EFR3B: variants seen among roughly 807,000 people sequenced by gnomAD.
The protein encoded by EFR3B is EFR3 homolog B.
In EFR3B, 64 loss-of-function variants were observed where a neutral mutation model predicts 104.7. That is an observed-to-expected ratio of 0.61 (90% CI 0.50 to 0.75). The LOEUF is 0.75. Ranked by LOEUF, EFR3B falls within the 30% of genes least tolerant of loss-of-function variation. The pLI is 0.00. For synonymous variants in EFR3B, 385 were observed against 417.9 expected, an observed-to-expected ratio of 0.92 and a Z score of 0.96; for missense variants, 750 against 1,078.5, an observed-to-expected ratio of 0.70 and a Z score of 4.27.
At chr2:25,127,519 G>A (rs1279434203) in intron 5 of EFR3B, among the ~76,000 whole-genome samples, 2 of 152,256 alleles carry the variant, frequency 1.3e-5, no homozygotes, top group African/African-American at 2.4e-5. Flanking sequence ...ACTTTTCTAT[G>A]ATTAGTATGT....
At chr2:25,104,096 C>T (rs556502623) in intron 4 of EFR3B, among the ~76,000 whole-genome samples, 127 of 152,134 alleles carry the variant, frequency 8.3e-4, no homozygotes, top group African/African-American at 2.7e-3. Context: ...ACTTGTAATA[C>T]CAGCACTTTG....
At position 25,069,862 on chromosome 2, in the gene EFR3B, A is replaced by G. The variant is rs556131270; in HGVS notation, c.8-21463A>G. On this transcript the variant is annotated intron_variant, in intron 1 of 22. Coordinates refer to ENST00000403714, the MANE Select transcript of EFR3B (RefSeq NM_014971.2). ...CAGGCATGCGCCACCACGCCTGGCT[A>G]ATTTTTTTGTATTTTCAGTAGAGAC... Among the ~76,000 whole-genome samples the G allele has an allele frequency of 8.7e-4, 132 of 152,114 alleles. 1 individual carries two copies. Among genetic ancestry groups the G allele is most frequent in the African/African-American group, 3.0e-3 (125 of 41,514 alleles).
At chr2:25,060,423 T>C (rs1668155532) in intron 1 of EFR3B, among the ~76,000 whole-genome samples, 1 of 152,168 alleles carries the variant, frequency 6.6e-6, no homozygotes, top group African/African-American at 2.4e-5. Flanking sequence ...TCTGGAAAAC[T>C]CTTCCAACTC....
intron 4 of EFR3B, among the ~76,000 whole-genome samples, chr2:25,106,964 G>A (rs1386648671): frequency 2.0e-5 from 3 of 152,164 alleles, no homozygotes; most frequent in African/African-American, 7.2e-5. Context: ...AGAAAGGGAA[G>A]GAGAAAAAGG....
intron 16 of EFR3B, among the ~76,000 whole-genome samples, chr2:25,139,558 A>G: frequency 6.6e-6 from 1 of 152,130 alleles, no homozygotes; most frequent in East Asian, 1.9e-4. Flanking sequence ...CATGCAGACT[A>G]CAGCTATGAA....
intron 20 of EFR3B, among the ~76,000 whole-genome samples, chr2:25,151,629 C>T (rs1009528408): frequency 6.6e-5 from 10 of 152,152 alleles, no homozygotes; most frequent in South Asian, 2.1e-4. Flanking sequence ...TTAAGAGTCC[C>T]GGTGGGAGAG....
At chr2:25,056,628 A>G (rs1668030408) in intron 1 of EFR3B, among the ~76,000 whole-genome samples, 1 of 151,948 alleles carries the variant, frequency 6.6e-6, no homozygotes, top group Non-Finnish European at 1.5e-5. Context: ...GAAGAGGGAA[A>G]AACAGCAGGG....
chr2:25,051,921 T>C (rs1362516738), intron 1 of EFR3B, among the ~76,000 whole-genome samples: 2 of 150,122 alleles, frequency 1.3e-5, no homozygotes, highest in Non-Finnish European at 3.0e-5. Flanking sequence ...ATTGGCTGGG[T>C]TCGGTGGCTG....
intron 3 of EFR3B, among the ~76,000 whole-genome samples, chr2:25,097,547 C>T (rs1252495841): frequency 6.6e-6 from 1 of 152,160 alleles, no homozygotes. Context: ...ACTGCCTCCC[C>T]ACATTGTCAC....
intron 18 of EFR3B, 76 bp downstream of exon 18, chr2:25,143,938 C>T: frequency 1.4e-6 from 2 of 1,477,176 alleles, no homozygotes; most frequent in Non-Finnish European, 1.8e-6. Context: ...GCATAAGGGA[C>T]TTATAGCCCT....
chr2:25,052,651 T>C (rs897175490), intron 1 of EFR3B, among the ~76,000 whole-genome samples: 31 of 152,114 alleles, frequency 2.0e-4, no homozygotes, highest in African/African-American at 7.5e-4. Context: ...AACAGGTGTG[T>C]GCCACCATGC....
chr2:25,111,680 A>T (rs926692238), intron 4 of EFR3B, among the ~76,000 whole-genome samples: 5 of 152,258 alleles, frequency 3.3e-5, no homozygotes, highest in South Asian at 2.1e-4. Flanking sequence ...CTCAAGGGTC[A>T]TTATAAGAGG....
At chr2:25,060,573 C>T (rs183723863) in intron 1 of EFR3B, among the ~76,000 whole-genome samples, 2 of 151,980 alleles carry the variant, frequency 1.3e-5, no homozygotes, top group Admixed American at 1.3e-4. Flanking sequence ...TAGGGGTGGT[C>T]TGAGTTAATG....
At chr2:25,046,330 A>T (rs1049378116) in intron 1 of EFR3B, among the ~76,000 whole-genome samples, 1 of 151,676 alleles carries the variant, frequency 6.6e-6, no homozygotes. Context: ...GGTTGCAGTG[A>T]TCAGAGATAG....
chr2:25,059,342 C>G (rs1355464538), intron 1 of EFR3B, among the ~76,000 whole-genome samples: 1 of 151,910 alleles, frequency 6.6e-6, no homozygotes, highest in African/African-American at 2.4e-5. Flanking sequence ...CCTGGGTTTC[C>G]CAAAGTGCTG....
rs1418020937 is a variant in EFR3B at position 25,139,154 on chromosome 2, C to T, written c.1818C>T (p.Leu606=). 6.4e-7 allele frequency: 1 copy of T among 1,551,554 alleles called. No homozygotes were observed. The highest frequency in any genetic ancestry group is 1.4e-5 in the African/African-American group (1 of 73,034). Residue 606 remains leucine (L), a synonymous_variant, in exon 16 of 23, where the codon CTC becomes CTT. Transcript: ENST00000403714. ...GAAYLNLISQ[L]TTVPAFCQHI... is the part of the protein sequence containing the mutation. The stretch of plus-strand genomic sequence containing the variant: ...CCTACCTGAACCTCATCAGTCAGCT[C>T]ACAACAGTGCCTGCCTTCTGCCAGC...
chr2:25,074,571 A>C (rs1668584872), intron 1 of EFR3B, among the ~76,000 whole-genome samples: 1 of 152,040 alleles, frequency 6.6e-6, no homozygotes, highest in South Asian at 2.1e-4. Context: ...TCTCAAAAAA[A>C]AAGAAAAAAA....
At chr2:25,092,495 A>C (rs1669156221) in intron 2 of EFR3B, among the ~76,000 whole-genome samples, 1 of 152,018 alleles carries the variant, frequency 6.6e-6, no homozygotes, top group African/African-American at 2.4e-5. Flanking sequence ...TCATGTATAT[A>C]TATCCATACA....
intron 3 of EFR3B, among the ~76,000 whole-genome samples, chr2:25,093,651 A>G (rs140902487): frequency 1.3e-4 from 20 of 152,252 alleles, no homozygotes; most frequent in African/African-American, 4.6e-4. Flanking sequence ...GCTTCCTACA[A>G]GCACCTCTTC....
Sources: gnomAD v4.1 joint callset for allele counts (sites outside exome capture counted in the v4.1 genomes callset) on GRCh38, gnomAD v4.1.1 for gene constraint, MANE v1.5 for transcripts, NCBI Gene and HGNC (gene_info 2026-07-23, HGNC 2026-07-21) for gene names.